OVOL2: variants seen among roughly 807,000 people sequenced by gnomAD.
OVOL2 encodes transcription factor Ovo-like 2.
OVOL2 carries 13 observed loss-of-function variants against 18.1 expected under a neutral mutation model. The observed-to-expected ratio is 0.72, with a 90% CI of 0.47 to 1.14. The LOEUF is 1.14. Ranked by LOEUF, OVOL2 falls within the 50% of genes most tolerant of loss-of-function variation. OVOL2 has a pLI of 0.00. For synonymous variants in OVOL2, 166 were observed against 162.7 expected, an observed-to-expected ratio of 1.02 and a Z score of -0.16; for missense variants, 335 against 383.0, an observed-to-expected ratio of 0.87 and a Z score of 1.05.
At chr20:18,048,655 C>T (rs1015491549) in intron 2 of OVOL2, among the ~76,000 whole-genome samples, 3 of 152,072 alleles carry the variant, frequency 2.0e-5, no homozygotes, top group African/African-American at 7.2e-5. Context: ...TACAGTAAGC[C>T]GAGATAGCAC....
intron 3 of OVOL2, among the ~76,000 whole-genome samples, chr20:18,037,932 T>C (rs1463758238): frequency 6.6e-6 from 1 of 152,074 alleles, no homozygotes; most frequent in Non-Finnish European, 1.5e-5. Context: ...CGTCTGCTTC[T>C]TGGGCAACCC....
chr20:18,055,722 C>G (rs1414172354), intron 2 of OVOL2, among the ~76,000 whole-genome samples: 5 of 152,186 alleles, frequency 3.3e-5, no homozygotes. Flanking sequence ...GTCTGGGTGG[C>G]AGGAGGGCAC....
intron 2 of OVOL2, among the ~76,000 whole-genome samples, chr20:18,053,625 T>C (rs926026112): frequency 4.0e-5 from 6 of 149,528 alleles, no homozygotes; most frequent in South Asian, 2.1e-4. Context: ...CACTTGAACC[T>C]GGGAGGCAGA....
At chr20:18,049,326 T>G (rs73899395) in intron 2 of OVOL2, among the ~76,000 whole-genome samples, 1 of 152,082 alleles carries the variant, frequency 6.6e-6, no homozygotes, top group Non-Finnish European at 1.5e-5. Flanking sequence ...CATTCACCTG[T>G]CAAACTTCTA....
intron 2 of OVOL2, among the ~76,000 whole-genome samples, chr20:18,049,191 T>C (rs1407960090): frequency 6.6e-6 from 1 of 152,192 alleles, no homozygotes; most frequent in Non-Finnish European, 1.5e-5. Context: ...GTTCTTCTTC[T>C]AGAAAACAGG....
At chr20:18,047,138 TGGCAAGTTACCTAACTTAGTTGTA>T (rs1444330452) in intron 2 of OVOL2, among the ~76,000 whole-genome samples, 3 of 152,346 alleles carry the variant, frequency 2.0e-5, no homozygotes, top group African/African-American at 7.2e-5. Flanking sequence ...ACTTAGTTTG[TGGCAAGTTACCTAACTTAGTTGTA>T]GGCAAGTTAC....
intron 2 of OVOL2, among the ~76,000 whole-genome samples, chr20:18,052,892 G>A (rs1396179961): frequency 6.6e-6 from 1 of 152,194 alleles, no homozygotes; most frequent in African/African-American, 2.4e-5. Context: ...GGACAATGGT[G>A]ATTAGTATTT....
intron 2 of OVOL2, among the ~76,000 whole-genome samples, chr20:18,054,540 C>T (rs2036799309): frequency 6.6e-6 from 1 of 152,060 alleles, no homozygotes; most frequent in African/African-American, 2.4e-5. Context: ...GTCGGGAGTT[C>T]AAGACCAGGC....
At chr20:18,054,774 AAAAAAAAAGAAAGAAAAG>A (rs1347814323) in intron 2 of OVOL2, among the ~76,000 whole-genome samples, 1 of 143,046 alleles carries the variant, frequency 7.0e-6, no homozygotes, top group African/African-American at 2.8e-5. Flanking sequence ...CTCAAAAAAA[AAAAAAAAAGAAAGAAAAG>A]AAAAGAAAAG....
Position 18,056,718 on chromosome 20 carries a change from G to C in OVOL2, c.260C>G (p.Ala87Gly), listed in dbSNP as rs756995088. 1 of 1,463,668 alleles carries C rather than the reference G, an allele frequency of 6.8e-7. No homozygotes were observed. Among genetic ancestry groups the C allele is most frequent in the Non-Finnish European group, 9.0e-7 (1 of 1,113,944 alleles). The allele number at this position is 1,463,668 out of a possible 1,614,324, so 90.7% of individuals were successfully genotyped here. A position where few individuals can be genotyped will look rare whatever the true frequency, so the allele number is the denominator to read the frequency against. ...CGCCAGGTGTCCATCGGGGCCCTCG[G>C]CGTCGCCGGGCTCGGGGGTTTCGCT... ...PESETPEPGD[A>G]EGPDGHLATK... The change falls in exon 2 of 4, where the codon GCC becomes GGC. Residue 87 changes from alanine (A) to glycine (G), a missense_variant. Coordinates refer to ENST00000278780, the MANE Select transcript of OVOL2 (RefSeq NM_021220.4). This position sits in a 1 kb window ranked among gnomAD's most constrained non-coding sequence, Gnocchi z 4.2.
At chr20:18,052,653 T>C (rs1389035103) in intron 2 of OVOL2, among the ~76,000 whole-genome samples, 1 of 152,126 alleles carries the variant, frequency 6.6e-6, no homozygotes, top group Non-Finnish European at 1.5e-5. Context: ...ACTACAAGAC[T>C]CGATAGAGAG....
intron 2 of OVOL2, among the ~76,000 whole-genome samples, chr20:18,054,287 C>A (rs1019316273): frequency 6.6e-6 from 1 of 152,176 alleles, no homozygotes; most frequent in East Asian, 1.9e-4. Context: ...TATGATTAAC[C>A]GCTACTGCCA....
intron 3 of OVOL2, among the ~76,000 whole-genome samples, chr20:18,029,564 G>A (rs575037124): frequency 3.9e-5 from 6 of 152,182 alleles, no homozygotes; most frequent in South Asian, 4.1e-4. Context: ...TTGCCATTGC[G>A]TCCCTGTCTG....
At chr20:18,030,727 C>T (rs2036561018) in intron 3 of OVOL2, among the ~76,000 whole-genome samples, 1 of 152,174 alleles carries the variant, frequency 6.6e-6, no homozygotes, top group East Asian at 1.9e-4. Context: ...GACTCGCAGA[C>T]AGAGATGGAA....
At chr20:18,042,831 C>T (rs1391101667) in intron 2 of OVOL2, among the ~76,000 whole-genome samples, 2 of 151,684 alleles carry the variant, frequency 1.3e-5, no homozygotes, top group Non-Finnish European at 2.9e-5. Context: ...TTGCTTCCTC[C>T]CTCACCATAT....
At chr20:18,059,153 C>T (rs1052973683), upstream of OVOL2, 3 of 152,338 alleles carry the variant, frequency 2.0e-5, no homozygotes, top group African/African-American at 7.2e-5. Context: ...TCCCTGTTCC[C>T]TTCCGCCCTG....
Position 18,056,632 on chromosome 20 carries a change from G to T in OVOL2, c.321+25C>A. ...GACGCCAGGGCGTGGTGCAGGTGGC[G>T]GCGGGGGCAGAGTCGACACAGTACC... On this transcript the variant is annotated intron_variant, in intron 2 of 3. Transcript: ENST00000278780. This position sits in a 1 kb window ranked among gnomAD's most constrained non-coding sequence, Gnocchi z 4.2. 6 of 1,377,360 alleles carry T rather than the reference G, an allele frequency of 4.4e-6. No individual in the cohort carries two copies. Among genetic ancestry groups the T allele is most frequent in the Non-Finnish European group, 5.6e-6 (6 of 1,064,246 alleles). 85.3% of individuals were successfully genotyped at this position (1,377,360 alleles called of 1,614,324 possible).
intron 3 of OVOL2, among the ~76,000 whole-genome samples, chr20:18,036,454 C>G (rs571182199): frequency 1.3e-5 from 2 of 152,278 alleles, no homozygotes; most frequent in South Asian, 4.1e-4. Context: ...GCCGGACCAG[C>G]CAGCACACCT....
intron 2 of OVOL2, among the ~76,000 whole-genome samples, chr20:18,049,682 C>A (rs1363299523): frequency 6.6e-6 from 1 of 152,092 alleles, no homozygotes; most frequent in Non-Finnish European, 1.5e-5. Flanking sequence ...GAAACTGAGG[C>A]CCAAAGAGAT....
Sources: allele counts gnomAD v4.1 joint callset (sites outside exome capture counted in the v4.1 genomes callset), GRCh38; gene constraint gnomAD v4.1.1; non-coding constraint Gnocchi (gnomAD v3.1); transcripts MANE v1.5; gene names NCBI Gene and HGNC (gene_info 2026-07-23, HGNC 2026-07-21).